The following SLC30A9 variants were observed in gnomAD, a reference collection of about 807,000 sequenced individuals.
SLC30A9 encodes the protein solute carrier family 30 member 9.
Under a neutral mutation model 87.5 loss-of-function variants are expected in SLC30A9, and 58 were observed. That is an observed-to-expected ratio of 0.66 (90% CI 0.54 to 0.82). SLC30A9 has a LOEUF of 0.82. Among genes scored for constraint, SLC30A9 ranks in the 40% least tolerant of loss-of-function variants. SLC30A9 has a pLI of 0.00. For missense variants in SLC30A9, 557 were observed against 679.1 expected, an observed-to-expected ratio of 0.82 and a Z score of 2.00; for synonymous variants, 234 against 233.0, an observed-to-expected ratio of 1.00 and a Z score of -0.04.
At chr4:42,015,789 C>A (rs1337867688) in intron 2 of SLC30A9, among the ~76,000 whole-genome samples, 1 of 151,940 alleles carries the variant, frequency 6.6e-6, no homozygotes, top group Non-Finnish European at 1.5e-5. Flanking sequence ...CCATTCTTGT[C>A]CAGAAACTGC....
intron 6 of SLC30A9, among the ~76,000 whole-genome samples, chr4:42,033,803 C>G (rs1192923568): frequency 6.6e-6 from 1 of 152,166 alleles, no homozygotes; most frequent in Non-Finnish European, 1.5e-5. Flanking sequence ...TCTCGATGAT[C>G]TGACCTTGTG....
At chr4:42,065,448 G>A (rs1342017094) in intron 12 of SLC30A9, 99 bp downstream of exon 12, 2 of 734,550 alleles carry the variant, frequency 2.7e-6, no homozygotes, top group East Asian at 2.5e-5. Flanking sequence ...TTAAAGAAAA[G>A]CAAGTGTGGG....
intron 11 of SLC30A9, among the ~76,000 whole-genome samples, chr4:42,064,417 A>G (rs182086287): frequency 6.0e-4 from 91 of 151,906 alleles, no homozygotes; most frequent in African/African-American, 2.1e-3. Flanking sequence ...ATCCTGTTAT[A>G]TCATGCAAAT....
At chr4:42,015,767 T>G (rs1387674201) in intron 2 of SLC30A9, among the ~76,000 whole-genome samples, 1 of 152,120 alleles carries the variant, frequency 6.6e-6, no homozygotes, top group Non-Finnish European at 1.5e-5. Flanking sequence ...TCCTCAACTA[T>G]TGTGTCCATT....
intron 6 of SLC30A9, 122 bp downstream of exon 6, chr4:42,023,506 T>G (rs1716061880): frequency 1.7e-6 from 1 of 597,752 alleles, no homozygotes; most frequent in Admixed American, 3.0e-5. Flanking sequence ...TTCCAGCAAA[T>G]GCTAGTTTCC....
At chr4:42,005,124 C>G (rs1715148232) in intron 2 of SLC30A9, among the ~76,000 whole-genome samples, 1 of 152,110 alleles carries the variant, frequency 6.6e-6, no homozygotes. Flanking sequence ...CTATATGAGA[C>G]TTTTCTTCCC....
intron 1 of SLC30A9, among the ~76,000 whole-genome samples, chr4:41,992,421 C>T (rs1017829008): frequency 1.6e-4 from 24 of 152,020 alleles, no homozygotes; most frequent in African/African-American, 5.3e-4. Context: ...GTTTCTAACA[C>T]AATTGTTTCT....
At chr4:42,041,546 C>T (rs1716923120) in intron 8 of SLC30A9, among the ~76,000 whole-genome samples, 1 of 152,114 alleles carries the variant, frequency 6.6e-6, no homozygotes. Flanking sequence ...CCACCTTGGG[C>T]AACATAGTGA....
chr4:42,077,286 G>A (rs1718594880), intron 16 of SLC30A9, among the ~76,000 whole-genome samples: 1 of 152,140 alleles, frequency 6.6e-6, no homozygotes, highest in Non-Finnish European at 1.5e-5. Context: ...GAGCATTGAG[G>A]TTAATAAACA....
chr4:42,088,800 T>G lies in SLC30A9; in HGVS notation c.*2674T>G, dbSNP rs1719010504. ...ACATGAGATTTGGTGGGGACAAAGATCCAAAGCATATCAGCATCTGTAGTC... is the reference window on the plus strand; with the variant it reads ...ACATGAGATTTGGTGGGGACAAAGAGCCAAAGCATATCAGCATCTGTAGTC... On this transcript the variant is annotated 3_prime_UTR_variant, in exon 18 of 18. Coordinates refer to ENST00000264451, the MANE Select transcript of SLC30A9 (RefSeq NM_006345.4). The G allele has an allele frequency of 6.6e-6, 1 of 151,984 alleles. No individual in the cohort carries two copies. Among genetic ancestry groups the G allele is most frequent in the African/African-American group, 2.4e-5 (1 of 41,368 alleles). 9.4% of individuals were successfully genotyped at this position (151,984 alleles called of 1,614,324 possible).
chr4:42,005,995 G>A (rs2660323), intron 2 of SLC30A9, among the ~76,000 whole-genome samples: 98,619 of 152,126 alleles, frequency 0.65, 36,084 homozygotes, highest in East Asian at 0.96. Flanking sequence ...AGATTTGGGG[G>A]GAAAATGGAT....
At chr4:42,056,750 A>C (rs1717632022) in intron 9 of SLC30A9, among the ~76,000 whole-genome samples, 1 of 152,216 alleles carries the variant, frequency 6.6e-6, no homozygotes, top group African/African-American at 2.4e-5. Context: ...AGACAAGGCA[A>C]GTCCCTTCTG....
intron 7 of SLC30A9, 129 bp downstream of exon 7, chr4:42,035,462 G>T (rs2153137059): frequency 1.0e-6 from 1 of 961,110 alleles, no homozygotes; most frequent in Non-Finnish European, 1.5e-6. Context: ...GTAGTTCACT[G>T]AATTATAGTC....
chr4:42,030,514 G>C (rs1362495221), intron 6 of SLC30A9, among the ~76,000 whole-genome samples: 1 of 150,164 alleles, frequency 6.7e-6, no homozygotes, highest in Non-Finnish European at 1.5e-5. Context: ...TATCTGTTTT[G>C]TACTTTATGT....
At chr4:42,014,555 C>CAAA (rs36063492) in intron 2 of SLC30A9, among the ~76,000 whole-genome samples, 3 of 129,228 alleles carry the variant, frequency 2.3e-5, no homozygotes, top group Non-Finnish European at 3.1e-5. Context: ...GACTCCGTCG[C>CAAA]AAAAAAAAAA....
chr4:42,084,392 G>A (rs1560564296), intron 17 of SLC30A9, among the ~76,000 whole-genome samples: 1 of 152,076 alleles, frequency 6.6e-6, no homozygotes, highest in African/African-American at 2.4e-5. Flanking sequence ...CCTTCTCACA[G>A]TATTAATATG....
rs187521502 is a variant in SLC30A9, at chr4:41,997,085, T to G, written c.110-4531T>G. 4.6e-5 allele frequency among the ~76,000 whole-genome samples: 6 copies of G among 131,708 alleles called. No homozygotes were observed. The East Asian group carries it at 1.5e-3, about 33-fold the overall frequency. 86.4% of individuals were successfully genotyped at this position (131,708 alleles called of 152,430 possible). ...ATAAAAATGAAAAAGAAAAATAGAA[T>G]TAAGCAAGGCAGTAGAGAGGTATGT... On this transcript the variant is annotated intron_variant, in intron 1 of 17. Coordinates refer to ENST00000264451, the MANE Select transcript of SLC30A9 (RefSeq NM_006345.4).
At chr4:42,075,318 C>T (rs909176162) in intron 15 of SLC30A9, among the ~76,000 whole-genome samples, 1 of 151,580 alleles carries the variant, frequency 6.6e-6, no homozygotes, top group Non-Finnish European at 1.5e-5. Flanking sequence ...AGGTGATCCT[C>T]CCTGCTCGGC....
At chr4:42,033,388 C>T (rs75976718) in intron 6 of SLC30A9, among the ~76,000 whole-genome samples, 4,656 of 151,754 alleles carry the variant, frequency 0.031, 111 homozygotes, top group African/African-American at 0.058. Flanking sequence ...CCTATAATCC[C>T]GGGACTTTGG....
Sources: gnomAD v4.1 joint callset for allele counts (sites outside exome capture counted in the v4.1 genomes callset) on GRCh38, gnomAD v4.1.1 for gene constraint, MANE v1.5 for transcripts, NCBI Gene and HGNC (gene_info 2026-07-23, HGNC 2026-07-21) for gene names.